Variants in KIAA0825 observed in about 807,000 individuals in gnomAD.
KIAA0825 encodes the protein uncharacterized protein KIAA0825.
Under a neutral mutation model 147.6 loss-of-function variants are expected in KIAA0825, and 119 were observed. The ratio of observed to expected loss-of-function variants is 0.81; its 90% CI spans 0.69 to 0.94. The LOEUF (loss-of-function observed/expected upper bound fraction) is 0.94. Among genes scored for constraint, KIAA0825 ranks in the 40% least tolerant of loss-of-function variants. The pLI, the probability that KIAA0825 is intolerant of heterozygous loss-of-function variation, is 0.00. For synonymous variants in KIAA0825, 470 were observed against 518.1 expected, an observed-to-expected ratio of 0.91 and a Z score of 1.26; for missense variants, 1,381 against 1,472.7, an observed-to-expected ratio of 0.94 and a Z score of 1.02.
At chr5:94,322,118 A>G (rs1780248970) in intron 20 of KIAA0825, among the ~76,000 whole-genome samples, 1 of 152,080 alleles carries the variant, frequency 6.6e-6, no homozygotes, top group Admixed American at 6.6e-5. Flanking sequence ...GATAGCCAAC[A>G]ACTTTTTGAG....
At chr5:94,540,893 T>C (rs1773162919) in intron 2 of KIAA0825, among the ~76,000 whole-genome samples, 1 of 152,188 alleles carries the variant, frequency 6.6e-6, no homozygotes, top group African/African-American at 2.4e-5. Flanking sequence ...AAATCAACCA[T>C]GACCCCTAAC....
rs112761115 is a variant in KIAA0825 at position 94,480,865 on chromosome 5, C to A, written c.1133-3660G>T. On this transcript the variant is annotated intron_variant, in intron 6 of 20. Coordinates refer to ENST00000682413, the MANE Select transcript of KIAA0825 (RefSeq NM_001145678.3). ...TAAAATGGTTTAAAAAAACTTAATT[C>A]TGTACAGGGAAGCAAAAGTTATCAT... Among the ~76,000 whole-genome samples, 933 of 152,010 alleles carry A rather than the reference C, an allele frequency of 6.1e-3. 15 individuals carry two copies. Among genetic ancestry groups the A allele is most frequent in the African/African-American group, 0.021 (891 of 41,490 alleles).
intron 20 of KIAA0825, among the ~76,000 whole-genome samples, chr5:94,218,210 G>A (rs1462241160): frequency 3.3e-5 from 5 of 152,154 alleles, no homozygotes; most frequent in African/African-American, 1.2e-4. Flanking sequence ...TTGAATGAAT[G>A]CTTCTGGAAT....
rs1168632925 is a variant in KIAA0825, at chr5:94,549,958, A to AACAAT, written c.-1-12832_-1-12831insATTGT. 2.0e-5 allele frequency among the ~76,000 whole-genome samples: 3 copies of AACAAT among 152,290 alleles called. No homozygotes were observed. In the East Asian group the frequency reaches 5.8e-4, roughly 29 times the overall value. ...AACTGAAACAAAGAAAACAATAGAA[A>AACAAT]AGATCAATGAAACAAAAAGTTGGCT... On this transcript the variant is annotated intron_variant, in intron 2 of 20. Transcript: ENST00000682413.
chr5:94,308,762 C>A (rs191894188), intron 20 of KIAA0825, among the ~76,000 whole-genome samples: 18 of 151,770 alleles, frequency 1.2e-4, no homozygotes, highest in Admixed American at 5.9e-4. Flanking sequence ...GGTGCTCAAT[C>A]TTAAGAGGTC....
chr5:94,390,099 C>T (rs1749704396), intron 18 of KIAA0825, among the ~76,000 whole-genome samples: 1 of 152,216 alleles, frequency 6.6e-6, no homozygotes, highest in Non-Finnish European at 1.5e-5. Context: ...CAGCCTTTGG[C>T]TTTCCAGAGT....
At chr5:94,589,585 G>A (rs540462469) in intron 1 of KIAA0825, among the ~76,000 whole-genome samples, 1 of 152,108 alleles carries the variant, frequency 6.6e-6, no homozygotes, top group South Asian at 2.1e-4. Flanking sequence ...ACAAAATAAC[G>A]CTCTATTACT....
chr5:94,529,371 A>ATATCTCATATATGTATATATCATATG (rs1770250478), intron 3 of KIAA0825, among the ~76,000 whole-genome samples: 1 of 119,650 alleles, frequency 8.4e-6, no homozygotes, highest in Non-Finnish European at 1.8e-5. Flanking sequence ...TCATATATGT[A>ATATCTCATATATGTATATATCATATG]TATATCTCAT....
intron 20 of KIAA0825, among the ~76,000 whole-genome samples, chr5:94,238,770 T>C (rs982672880): frequency 6.6e-6 from 1 of 152,068 alleles, no homozygotes; most frequent in African/African-American, 2.4e-5. Flanking sequence ...ATGTTTGTCT[T>C]CCCCCATTTC....
intron 20 of KIAA0825, among the ~76,000 whole-genome samples, chr5:94,191,657 G>A (rs182446549): frequency 7.9e-5 from 12 of 152,174 alleles, no homozygotes; most frequent in African/African-American, 2.9e-4. Context: ...GTAAGTTTTT[G>A]TAAGAATTAA....
At chr5:94,579,186 C>T (rs1265381039) in intron 2 of KIAA0825, among the ~76,000 whole-genome samples, 1 of 152,194 alleles carries the variant, frequency 6.6e-6, no homozygotes, top group African/African-American at 2.4e-5. Flanking sequence ...TCCCAAAGTG[C>T]TGGGATTACA....
intron 12 of KIAA0825, 81 bp downstream of exon 12, chr5:94,462,306 A>G (rs2150953947): frequency 2.6e-6 from 2 of 756,900 alleles, no homozygotes; most frequent in East Asian, 3.1e-5. Context: ...AACTTCACAT[A>G]ATTCCATAAG....
chr5:94,369,717 T>A (rs1160757235), intron 20 of KIAA0825, among the ~76,000 whole-genome samples: 1 of 152,172 alleles, frequency 6.6e-6, no homozygotes, highest in Non-Finnish European at 1.5e-5. Context: ...TGATGTGGCC[T>A]ACTGAGTGCC....
At chr5:94,255,234 C>T (rs1776182576) in intron 20 of KIAA0825, among the ~76,000 whole-genome samples, 1 of 151,548 alleles carries the variant, frequency 6.6e-6, no homozygotes, top group African/African-American at 2.4e-5. Context: ...AAGAGATAAG[C>T]ATCATGACAT....
intron 20 of KIAA0825, among the ~76,000 whole-genome samples, chr5:94,232,065 G>A (rs941515936): frequency 2.6e-5 from 4 of 152,058 alleles, no homozygotes; most frequent in African/African-American, 9.7e-5. Context: ...GATATGGCAA[G>A]TAATACAGAA....
chr5:94,510,665 A>C (rs866120459), intron 5 of KIAA0825, among the ~76,000 whole-genome samples: 1 of 152,246 alleles, frequency 6.6e-6, no homozygotes, highest in South Asian at 2.1e-4. Context: ...AAACAGAGGA[A>C]TAGAAATACA....
chr5:94,242,575 T>C (rs2150106846), intron 20 of KIAA0825, among the ~76,000 whole-genome samples: 1 of 152,072 alleles, frequency 6.6e-6, no homozygotes, highest in Non-Finnish European at 1.5e-5. Context: ...CCTTCCTTCC[T>C]TCCTTTTTTT....
At chr5:94,353,280 G>T (rs182081226) in intron 20 of KIAA0825, among the ~76,000 whole-genome samples, 3 of 152,228 alleles carry the variant, frequency 2.0e-5, no homozygotes, top group East Asian at 3.9e-4. Context: ...AAGACAATAT[G>T]AAGTCTTCAA....
At chr5:94,299,942 A>G (rs1265087948) in intron 20 of KIAA0825, among the ~76,000 whole-genome samples, 1 of 152,124 alleles carries the variant, frequency 6.6e-6, no homozygotes, top group African/African-American at 2.4e-5. Context: ...ATTGACCAAT[A>G]CAAAATTATT....
Sources: gnomAD v4.1 joint callset for allele counts (sites outside exome capture counted in the v4.1 genomes callset) on GRCh38, gnomAD v4.1.1 for gene constraint, MANE v1.5 for transcripts, NCBI Gene and HGNC (gene_info 2026-07-23, HGNC 2026-07-21) for gene names.